SIX4: variants seen among roughly 807,000 people sequenced by gnomAD.
The protein encoded by SIX4 is SIX homeobox 4.
Under a neutral mutation model 51.5 loss-of-function variants are expected in SIX4, and 23 were observed. That is an observed-to-expected ratio of 0.45 (90% CI 0.32 to 0.63). The LOEUF (loss-of-function observed/expected upper bound fraction) is 0.63. Among genes scored for constraint, SIX4 ranks in the 30% least tolerant of loss-of-function variants. The pLI, the probability that SIX4 is intolerant of heterozygous loss-of-function variation, is 0.04. For missense variants in SIX4, 867 were observed against 984.0 expected, an observed-to-expected ratio of 0.88 and a Z score of 1.59; for synonymous variants, 413 against 417.3, an observed-to-expected ratio of 0.99 and a Z score of 0.13.
Position 60,724,347 on chromosome 14 carries a change from A to G in SIX4, c.-273T>C. 1.4e-6 allele frequency: 2 copies of G among 1,388,748 alleles called. No individual in the cohort carries two copies. The highest frequency in any genetic ancestry group is 1.4e-5 in the African/African-American group (1 of 69,158). The allele number at this position is 1,388,748 out of a possible 1,614,324, so 86.0% of individuals were successfully genotyped here. A position where few individuals can be genotyped will look rare whatever the true frequency, so the allele number is the denominator to read the frequency against. ...GACTCCTCCGGTTGCTGCATACTAT[A>G]TGGCAGTGGCGGCCGGGCCGGCCCG... On this transcript the variant is annotated 5_prime_UTR_variant, in exon 1 of 3. Coordinates refer to ENST00000216513, the MANE Select transcript of SIX4 (RefSeq NM_017420.5).
Position 60,722,914 on chromosome 14 carries a change from G to A in SIX4, c.863+298C>T, listed in dbSNP as rs1354214034. 4 of 410,236 alleles carry A rather than the reference G, an allele frequency of 9.8e-6. No individual in the cohort carries two copies. The highest frequency in any genetic ancestry group is 1.7e-5 in the Non-Finnish European group (4 of 233,140). 25.4% of individuals were successfully genotyped at this position (410,236 alleles called of 1,614,324 possible). A position where few individuals can be genotyped will look rare whatever the true frequency, so the allele number is the denominator to read the frequency against. On this transcript the variant is annotated intron_variant, in intron 1 of 2. Transcript: ENST00000216513. The surrounding 1 kb of genome is among the most constrained non-coding windows in gnomAD (Gnocchi z 5.9). The stretch of plus-strand genomic sequence containing the variant: ...CAACTTCAAAGCCAGCGGGATGGGG[G>A]TGGGAAGCTGGGCAGCAGTGACCAG...
intron 1 of SIX4, 54 bp downstream of exon 1, chr14:60,723,158 C>T (rs753938548): frequency 2.0e-6 from 3 of 1,475,462 alleles, no homozygotes; most frequent in Non-Finnish European, 2.7e-6. Context: ...GAAAAGAAAG[C>T]CGGGAAGGGG....
At chr14:60,721,146 TG>T in intron 1 of SIX4, 2 of 985,576 alleles carry the variant, frequency 2.0e-6, no homozygotes, top group Non-Finnish European at 2.4e-6. Flanking sequence ...TCCAGTGCCC[TG>T]GTGAGGTGGG....
rs1303264307 is a variant in SIX4 at position 60,710,116 on chromosome 14, C to T, written c.*3291G>A. 6.6e-6 allele frequency: 1 copy of T among 152,588 alleles called. No individual in the cohort carries two copies. The highest frequency in any genetic ancestry group is 1.5e-5 in the Non-Finnish European group (1 of 68,036). 9.5% of individuals were successfully genotyped at this position (152,588 alleles called of 1,614,324 possible). On this transcript the variant is annotated 3_prime_UTR_variant, in exon 3 of 3. Transcript: ENST00000216513. ...ATTTTAAAGAATGAAGAACTTGTGG[C>T]TATGTACTAAAGCACACTTGTCTAG...
At chr14:60,723,080 C>A (rs1392731344) in intron 1 of SIX4, 132 bp downstream of exon 1, 1 of 1,394,632 alleles carries the variant, frequency 7.2e-7, no homozygotes, top group Non-Finnish European at 9.2e-7. Flanking sequence ...AGGTAGGGGG[C>A]GGGGAGAGGT....
In SIX4 at chr14:60,713,643, G is replaced by A; in HGVS notation, c.2110C>T (p.His704Tyr). ...CGATGTTCTTGGACAAAATCCTGAT[G>A]TACTGCTGGGGAGGGGTGACCTACC... ...DQVGHPSPAV[H>Y]QDFVQEHRLV... The change falls in exon 3 of 3, where the codon CAT becomes TAT. Residue 704 changes from histidine to tyrosine, a missense_variant. By Grantham distance (83) the His-to-Tyr change is moderately conservative. Transcript: ENST00000216513. 1.2e-6 allele frequency: 2 copies of A among 1,614,244 alleles called. No individual in the cohort carries two copies. Among genetic ancestry groups the A allele is most frequent in the Non-Finnish European group, 1.7e-6 (2 of 1,180,040 alleles).
Position 60,713,353 on chromosome 14 carries a change from C to A in SIX4, c.*54G>T. The A allele has an allele frequency of 6.6e-7, 1 of 1,520,344 alleles. No homozygotes were observed. The highest frequency in any genetic ancestry group is 8.8e-7 in the Non-Finnish European group (1 of 1,134,756). The allele number at this position is 1,520,344 out of a possible 1,614,324, so 94.2% of individuals were successfully genotyped here. ...GGGAAAATGTTTTGTGTCCTTGGGG[C>A]TTCATGAAAAGATTTGCCGCTGATG... On this transcript the variant is annotated 3_prime_UTR_variant, in exon 3 of 3. Coordinates refer to ENST00000216513, the MANE Select transcript of SIX4 (RefSeq NM_017420.5).
Position 60,723,904 on chromosome 14 carries a change from G to A in SIX4, c.171C>T (p.Asp57=), listed in dbSNP as rs748952034. Residue 57 remains aspartate (D), a synonymous_variant, in exon 1 of 3, where the codon GAC becomes GAT. Coordinates refer to ENST00000216513, the MANE Select transcript of SIX4 (RefSeq NM_017420.5). ...TCACCCTGGCGGCAGCGGTCGCGGC[G>A]TCCCCCGGCTCCAGGGGAAAAGGGG... ...APAPFPLEPG[D]AATAAARVSG... 13 of 1,519,574 alleles carry A rather than the reference G, an allele frequency of 8.6e-6. No homozygotes were observed. The highest frequency in any genetic ancestry group is 2.0e-4 in the Middle Eastern group (1 of 5,078). 94.1% of individuals were successfully genotyped at this position (1,519,574 alleles called of 1,614,324 possible).
At position 60,724,235 on chromosome 14, in the gene SIX4, TC is replaced by T. The variant is rs533988832; in HGVS notation, c.-162del. On this transcript the variant is annotated 5_prime_UTR_variant, in exon 1 of 3. It introduces an in-frame stop codon into an upstream open reading frame of the 5' UTR. Coordinates refer to ENST00000216513, the MANE Select transcript of SIX4 (RefSeq NM_017420.5). ...TCGGCTGTATCTGGCCGATCAGGTT[TC>T]CCCCCGGCCACGCAGTCACCATTAA... 400 of 1,541,394 alleles carry T rather than the reference TC, an allele frequency of 2.6e-4. 1 individual carries two copies. Among genetic ancestry groups the T allele is most frequent in the Non-Finnish European group, 3.2e-4 (365 of 1,150,082 alleles).
rs571233349 is a variant in SIX4 at position 60,723,692 on chromosome 14, C to A, written c.383G>T (p.Arg128Leu). The A allele has an allele frequency of 5.7e-6, 9 of 1,566,060 alleles. No individual in the cohort carries two copies. In the South Asian group the frequency reaches 8.2e-5, roughly 14 times the overall value. The stretch of plus-strand genomic sequence containing the variant: ...CAGGGACCACAGGAACCGGGCCAGG[C>A]GGTCCAGGTTGCCCCCCTGCTGCAG... ...EALQQGGNLD[R>L]LARFLWSLPQ... is the part of the protein sequence containing the mutation. Residue 128 changes from arginine (R) to leucine (L), a missense_variant, in exon 1 of 3, where the codon CGC becomes CTC. Transcript: ENST00000216513.
chr14:60,714,309 C>A, intron 2 of SIX4, 106 bp from the exon 3 acceptor site: 1 of 963,710 alleles, frequency 1.0e-6, no homozygotes, highest in East Asian at 2.7e-5. Context: ...AGAAGCAACA[C>A]TTCCATACAA....
intron 2 of SIX4, among the ~76,000 whole-genome samples, chr14:60,714,622 G>A (rs1164756554): frequency 6.6e-6 from 1 of 151,488 alleles, no homozygotes; most frequent in African/African-American, 2.4e-5. Flanking sequence ...TCATGACCTC[G>A]AACGGTCTTG....
At chr14:60,721,893 C>G (rs183484874) in intron 1 of SIX4, among the ~76,000 whole-genome samples, 27 of 152,372 alleles carry the variant, frequency 1.8e-4, no homozygotes, top group African/African-American at 5.5e-4. Context: ...GCACGCACAT[C>G]CCGGTGCACC....
In SIX4 at chr14:60,717,798, T is replaced by A. The variant is rs1485383662; in HGVS notation, c.1549+1962A>T. Among the ~76,000 whole-genome samples, 1 of 152,004 alleles carries A rather than the reference T, an allele frequency of 6.6e-6. No individual in the cohort carries two copies. The highest frequency in any genetic ancestry group is 1.5e-5 in the Non-Finnish European group (1 of 68,002). ...ACTTTGGGAGGCTGAGGTGAGCAGA[T>A]CACAGGAGTTCAAGACCAGCCTGGC... On this transcript the variant is annotated intron_variant, in intron 2 of 2. Coordinates refer to ENST00000216513, the MANE Select transcript of SIX4 (RefSeq NM_017420.5). The surrounding 1 kb of genome is among the most constrained non-coding windows in gnomAD (Gnocchi z 4.6).
In SIX4 at chr14:60,724,125, C is replaced by T; in HGVS notation, c.-51G>A. The T allele has an allele frequency of 6.2e-7, 1 of 1,601,380 alleles. No homozygotes were observed. The highest frequency in any genetic ancestry group is 8.5e-7 in the Non-Finnish European group (1 of 1,173,460). The stretch of plus-strand genomic sequence containing the variant: ...CCTCACTCCCTCGCACTCTTTTCCT[C>T]TTTCTTTCCTCCTCTCTTACTCCTC... On this transcript the variant is annotated 5_prime_UTR_variant, in exon 1 of 3. Transcript: ENST00000216513.
Position 60,710,724 on chromosome 14 carries a change from A to G in SIX4, c.*2683T>C, listed in dbSNP as rs894054516. Reference sequence around the variant, plus strand: ...GAGATCATGGGGTTTATCTTACTCCATTCACATATACATGGGCTGCATACC... The same window carrying G: ...GAGATCATGGGGTTTATCTTACTCCGTTCACATATACATGGGCTGCATACC... On this transcript the variant is annotated 3_prime_UTR_variant, in exon 3 of 3. Transcript: ENST00000216513. The G allele has an allele frequency of 1.3e-5, 2 of 152,632 alleles. No individual in the cohort carries two copies. The highest frequency in any genetic ancestry group is 1.9e-4 in the East Asian group (1 of 5,200). The allele number at this position is 152,632 out of a possible 1,614,324, so 9.5% of individuals were successfully genotyped here. A position where few individuals can be genotyped will look rare whatever the true frequency, so the allele number is the denominator to read the frequency against.
chr14:60,713,346 C>G lies in SIX4; in HGVS notation c.*61G>C, dbSNP rs1566736713. ...TTTAAATGGGAAAATGTTTTGTGTC[C>G]TTGGGGCTTCATGAAAAGATTTGCC... On this transcript the variant is annotated 3_prime_UTR_variant, in exon 3 of 3. Transcript: ENST00000216513. 6.6e-7 allele frequency: 1 copy of G among 1,510,996 alleles called. No homozygotes were observed. Among genetic ancestry groups the G allele is most frequent in the Non-Finnish European group, 8.9e-7 (1 of 1,127,964 alleles). 93.6% of individuals were successfully genotyped at this position (1,510,996 alleles called of 1,614,324 possible).
chr14:60,722,642 C>T lies in SIX4; in HGVS notation c.863+570G>A, dbSNP rs1896043986. On this transcript the variant is annotated intron_variant, in intron 1 of 2. Transcript: ENST00000216513. This position sits in a 1 kb window ranked among gnomAD's most constrained non-coding sequence, Gnocchi z 5.9. ...TCGACGTTCCGAGACCCCTTCTGCG[C>T]CGCCAGTCCCACAACACTCTCTTCC... 6.6e-6 allele frequency among the ~76,000 whole-genome samples: 1 copy of T among 152,286 alleles called. No individual in the cohort carries two copies. The highest frequency in any genetic ancestry group is 2.1e-4 in the South Asian group (1 of 4,826).
At chr14:60,721,672 T>G (rs1896023175) in intron 1 of SIX4, among the ~76,000 whole-genome samples, 2 of 151,690 alleles carry the variant, frequency 1.3e-5, no homozygotes, top group Admixed American at 6.6e-5. Context: ...CAGTGGAGCG[T>G]GGGGGAGTCC....
Sources: gnomAD v4.1 joint callset for allele counts (sites outside exome capture counted in the v4.1 genomes callset) on GRCh38, gnomAD v4.1.1 for gene constraint, Gnocchi (gnomAD v3.1) non-coding constraint, MANE v1.5 for transcripts, NCBI Gene and HGNC (gene_info 2026-07-23, HGNC 2026-07-21) for gene names.